SESN3: variants seen among roughly 807,000 people sequenced by gnomAD.
SESN3 encodes the protein sestrin-3.
Under a neutral mutation model 55.3 loss-of-function variants are expected in SESN3, and 21 were observed. The ratio of observed to expected loss-of-function variants is 0.38; its 90% CI spans 0.27 to 0.55. The LOEUF (loss-of-function observed/expected upper bound fraction) is 0.55, where lower values mean the gene tolerates loss of function less well. SESN3 is among the 20% of genes least tolerant of loss of function. SESN3 has a pLI of 0.76. For synonymous variants in SESN3, 181 were observed against 203.1 expected (o/e 0.89, Z 0.93); for missense variants, 408 against 604.3 (o/e 0.68, Z 3.41).
At chr11:95,221,498 T>C (rs994274268) in intron 1 of SESN3, among the ~76,000 whole-genome samples, 1 of 152,170 alleles carries the variant, frequency 6.6e-6, no homozygotes. Flanking sequence ...AAAATATGTA[T>C]CTAGAAAGAA....
chr11:95,192,796 A>G (rs1860292255), intron 2 of SESN3, among the ~76,000 whole-genome samples: 1 of 152,138 alleles, frequency 6.6e-6, no homozygotes, highest in Non-Finnish European at 1.5e-5. Flanking sequence ...CATTTTGTCA[A>G]CTACAGGGAC....
intron 1 of SESN3, among the ~76,000 whole-genome samples, chr11:95,201,863 G>A (rs1386897690): frequency 6.6e-6 from 1 of 152,086 alleles, no homozygotes; most frequent in East Asian, 1.9e-4. Flanking sequence ...CACCTGTAAA[G>A]TTAAAAGGTA....
chr11:95,190,591 A>C (rs974101328), intron 3 of SESN3, among the ~76,000 whole-genome samples: 28 of 152,018 alleles, frequency 1.8e-4, no homozygotes, highest in Admixed American at 9.2e-4. Context: ...TTTCAGACTT[A>C]GTGTCATCAA....
intron 1 of SESN3, among the ~76,000 whole-genome samples, chr11:95,208,289 C>G (rs1366669802): frequency 6.6e-6 from 1 of 151,166 alleles, no homozygotes; most frequent in Non-Finnish European, 1.5e-5. Context: ...AATTTTAGCT[C>G]CAGCACGAAG....
intron 1 of SESN3, among the ~76,000 whole-genome samples, chr11:95,202,730 C>T (rs751962586): frequency 4.6e-5 from 7 of 151,986 alleles, no homozygotes; most frequent in Non-Finnish European, 1.0e-4. Flanking sequence ...AATGCAAGTC[C>T]ATAATAAGCA....
intron 3 of SESN3, among the ~76,000 whole-genome samples, chr11:95,191,119 T>G (rs1215432757): frequency 1.3e-5 from 2 of 152,094 alleles, no homozygotes; most frequent in Admixed American, 1.3e-4. Context: ...ACAAAACTTG[T>G]GGGGTATTAT....
chr11:95,178,132 A>G (rs1364780005), intron 7 of SESN3, among the ~76,000 whole-genome samples: 2 of 151,966 alleles, frequency 1.3e-5, no homozygotes, highest in African/African-American at 4.8e-5. Context: ...TTAGTGATGA[A>G]CTCTGGTCAT....
intron 1 of SESN3, 89 bp from the exon 2 acceptor site, chr11:95,193,611 A>G: frequency 1.4e-6 from 1 of 740,254 alleles, no homozygotes; most frequent in Non-Finnish European, 2.3e-6. Context: ...GTACTAAAAT[A>G]AAGAGAATAA....
Position 95,207,498 on chromosome 11 carries a change from A to G in SESN3, c.79-13976T>C, listed in dbSNP as rs570778529. 3.3e-5 allele frequency among the ~76,000 whole-genome samples: 5 copies of G among 151,738 alleles called. 1 individual carries two copies. In the East Asian group the frequency reaches 9.6e-4, roughly 29 times the overall value. On this transcript the variant is annotated intron_variant, in intron 1 of 9. Transcript: ENST00000536441. ...ACATTCCGTGGGGCCTTTTTGCATT[A>G]ACATTCTATGGTTATACAGAATGCT... is the stretch of plus-strand genomic sequence containing the variant.
At chr11:95,211,718 C>T (rs529725799) in intron 1 of SESN3, among the ~76,000 whole-genome samples, 84 of 152,020 alleles carry the variant, frequency 5.5e-4, no homozygotes, top group Admixed American at 2.6e-3. Context: ...TGCAGTGAGT[C>T]GAGATCACAC....
intron 1 of SESN3, among the ~76,000 whole-genome samples, chr11:95,227,917 T>C (rs1860977657): frequency 6.6e-6 from 1 of 152,212 alleles, no homozygotes; most frequent in South Asian, 2.1e-4. Flanking sequence ...ATTTCCTCTT[T>C]TATTAAAAAC....
At chr11:95,195,522 T>C (rs1860344915) in intron 1 of SESN3, among the ~76,000 whole-genome samples, 1 of 152,154 alleles carries the variant, frequency 6.6e-6, no homozygotes, top group Admixed American at 6.6e-5. Context: ...AGAATGCATA[T>C]AACCAGCTAC....
chr11:95,216,458 T>C (rs927760369), intron 1 of SESN3, among the ~76,000 whole-genome samples: 3 of 152,226 alleles, frequency 2.0e-5, no homozygotes, highest in African/African-American at 7.2e-5. Context: ...ATATACACTG[T>C]CACAATGAGT....
At chr11:95,219,036 T>C (rs1253722420) in intron 1 of SESN3, among the ~76,000 whole-genome samples, 1 of 152,238 alleles carries the variant, frequency 6.6e-6, no homozygotes, top group African/African-American at 2.4e-5. Context: ...TATGCACATT[T>C]TGAGTGTTCA....
At chr11:95,227,395 G>A (rs1417661748) in intron 1 of SESN3, among the ~76,000 whole-genome samples, 3 of 152,026 alleles carry the variant, frequency 2.0e-5, no homozygotes, top group African/African-American at 4.8e-5. Context: ...TAGTAGATAT[G>A]GGGTTTCACC....
rs1243172125 is a variant in SESN3 at position 95,177,804 on chromosome 11, T to C, written c.1162A>G (p.Asn388Asp). The change falls in exon 8 of 10, where the codon AAC becomes GAC. Residue 388 changes from asparagine to aspartate, a missense_variant. Physicochemically the swap from Asn to Asp is conservative, Grantham distance 23. Coordinates refer to ENST00000536441, the MANE Select transcript of SESN3 (RefSeq NM_144665.4). ...KFRMVYNLTY[N>D]TMATHEDVDT... The stretch of plus-strand genomic sequence containing the variant: ...ACATCCTCATGGGTGGCCATAGTGT[T>C]ATATGTGAGATTGTAGACCATCCGA... 6.2e-7 allele frequency: 1 copy of C among 1,608,894 alleles called. No homozygotes were observed. The highest frequency in any genetic ancestry group is 1.7e-5 in the Admixed American group (1 of 58,610).
At chr11:95,208,339 T>C (rs531882481) in intron 1 of SESN3, among the ~76,000 whole-genome samples, 1 of 151,682 alleles carries the variant, frequency 6.6e-6, no homozygotes. Flanking sequence ...TTTAACTTTA[T>C]GTAACTGTTT....
chr11:95,193,318 C>A, intron 2 of SESN3, 139 bp downstream of exon 2: 1 of 611,910 alleles, frequency 1.6e-6, no homozygotes, highest in Non-Finnish European at 2.9e-6. Flanking sequence ...AAGAAAATAT[C>A]TCCATGGTTT....
chr11:95,200,513 A>C (rs1431185389), intron 1 of SESN3, among the ~76,000 whole-genome samples: 1 of 152,086 alleles, frequency 6.6e-6, no homozygotes, highest in African/African-American at 2.4e-5. Flanking sequence ...TTACACCAGC[A>C]TCTCTTCTCT....
Sources: allele counts gnomAD v4.1 joint callset (sites outside exome capture counted in the v4.1 genomes callset), GRCh38; gene constraint gnomAD v4.1.1; transcripts MANE v1.5; gene names NCBI Gene and HGNC (gene_info 2026-07-23, HGNC 2026-07-21).